Variants in TLN2 observed in about 807,000 individuals in gnomAD.
TLN2 encodes talin 2, also known as talin-2.
Under a neutral mutation model 294.7 loss-of-function variants are expected in TLN2, and 118 were observed. The ratio of observed to expected loss-of-function variants is 0.40; its 90% CI spans 0.34 to 0.47. The LOEUF is 0.47. Among genes scored for constraint, TLN2 ranks in the 20% least tolerant of loss-of-function variants. The pLI, the probability that TLN2 is intolerant of heterozygous loss-of-function variation, is 0.84. For synonymous variants in TLN2, 1,431 were observed against 1,304.5 expected, an observed-to-expected ratio of 1.10 and a Z score of -2.09; for missense variants, 3,083 against 3,282.2, an observed-to-expected ratio of 0.94 and a Z score of 1.48.
intron 1 of TLN2, among the ~76,000 whole-genome samples, chr15:62,476,958 G>T (rs1282723794): frequency 1.3e-5 from 2 of 152,144 alleles, no homozygotes; most frequent in African/African-American, 4.8e-5. Context: ...CCTTCCGTGT[G>T]TCTGTCTTTG....
chr15:62,396,891 G>C (rs1398219058), intron 1 of TLN2, among the ~76,000 whole-genome samples: 17 of 152,160 alleles, frequency 1.1e-4, no homozygotes, highest in Admixed American at 1.1e-3. Flanking sequence ...TTTTAGTAGA[G>C]ATGGGGTTTC....
intron 9 of TLN2, among the ~76,000 whole-genome samples, chr15:62,667,110 C>G (rs201488980): frequency 6.6e-6 from 1 of 152,132 alleles, no homozygotes; most frequent in Non-Finnish European, 1.5e-5. Flanking sequence ...GGACTACAGG[C>G]GCCCACCACC....
intron 1 of TLN2, among the ~76,000 whole-genome samples, chr15:62,468,618 G>T (rs1368510383): frequency 6.6e-6 from 1 of 151,952 alleles, no homozygotes; most frequent in Admixed American, 6.6e-5. Context: ...GGTGGCGGGC[G>T]CCTGTAGTCC....
At chr15:62,815,644 C>T (rs59244949) in intron 52 of TLN2, among the ~76,000 whole-genome samples, 16,745 of 152,088 alleles carry the variant, frequency 0.11, 1,080 homozygotes, top group South Asian at 0.17. Flanking sequence ...GGTGTCTTAG[C>T]CTTGTTCTGT....
At chr15:62,654,572 G>A (rs1003703288) in intron 7 of TLN2, among the ~76,000 whole-genome samples, 18 of 151,612 alleles carry the variant, frequency 1.2e-4, no homozygotes, top group Non-Finnish European at 1.2e-4. Flanking sequence ...TGACCAACAC[G>A]GTGAAACCCT....
At chr15:62,553,071 A>G (rs989322393) in intron 1 of TLN2, among the ~76,000 whole-genome samples, 1 of 152,242 alleles carries the variant, frequency 6.6e-6, no homozygotes, top group Non-Finnish European at 1.5e-5. Flanking sequence ...AAAATAAATA[A>G]TTGCTGAGTC....
At chr15:62,532,286 A>G (rs1202183970) in intron 1 of TLN2, among the ~76,000 whole-genome samples, 1 of 151,866 alleles carries the variant, frequency 6.6e-6, no homozygotes, top group Non-Finnish European at 1.5e-5. Flanking sequence ...TAGTAGAGAC[A>G]ATGTCTTGCT....
At chr15:62,488,644 C>T (rs1156383601) in intron 1 of TLN2, among the ~76,000 whole-genome samples, 1 of 152,142 alleles carries the variant, frequency 6.6e-6, no homozygotes, top group African/African-American at 2.4e-5. Flanking sequence ...CCAATTCTGT[C>T]TGATGAAACA....
At chr15:62,609,143 T>C (rs913656836) in intron 2 of TLN2, among the ~76,000 whole-genome samples, 2 of 152,076 alleles carry the variant, frequency 1.3e-5, no homozygotes, top group Non-Finnish European at 2.9e-5. Flanking sequence ...TGTTCTATGT[T>C]ACACAGCCTT....
At chr15:62,418,488 A>C (rs1330659711) in intron 1 of TLN2, among the ~76,000 whole-genome samples, 1 of 152,168 alleles carries the variant, frequency 6.6e-6, no homozygotes, top group Non-Finnish European at 1.5e-5. Context: ...GGCTGGTGGG[A>C]CTGGGGAGCT....
At chr15:62,677,010 C>G (rs919658458) in intron 11 of TLN2, among the ~76,000 whole-genome samples, 4 of 152,202 alleles carry the variant, frequency 2.6e-5, no homozygotes, top group African/African-American at 9.7e-5. Flanking sequence ...CTTGAATTCA[C>G]GTTTCCCTGA....
intron 46 of TLN2, among the ~76,000 whole-genome samples, chr15:62,794,077 C>T (rs1314808081): frequency 6.6e-6 from 1 of 152,110 alleles, no homozygotes; most frequent in African/African-American, 2.4e-5. Flanking sequence ...CAAGTTCCCC[C>T]ATAAAAGGCC....
intron 1 of TLN2, among the ~76,000 whole-genome samples, chr15:62,391,741 G>C (rs1410836429): frequency 1.3e-5 from 2 of 152,242 alleles, no homozygotes; most frequent in Non-Finnish European, 2.9e-5. Context: ...CAGCCGGCGG[G>C]GCTTGGGAAC....
chr15:62,448,755 C>T (rs2035953252), intron 1 of TLN2, among the ~76,000 whole-genome samples: 1 of 152,170 alleles, frequency 6.6e-6, no homozygotes, highest in Admixed American at 6.5e-5. Context: ...ACTATGTTAG[C>T]CCAAATCTGA....
rs372884109 is a variant in TLN2 at position 62,702,159 on chromosome 15, G to A, written c.1864G>A (p.Val622Met). The change falls in exon 18 of 59, where the codon GTG becomes ATG. Residue 622 changes from valine to methionine, a missense_variant. Transcript: ENST00000636159. ...AGCTGCCAGGACCCTCGCTGGGGCG[G>A]TGTCAGACTTGCTGAAAGCTGTGCA... ...LRAARTLAGA[V>M]SDLLKAVQPT... 10 of 1,611,422 alleles carry A rather than the reference G, an allele frequency of 6.2e-6. No individual in the cohort carries two copies. The highest frequency in any genetic ancestry group is 1.7e-5 in the Admixed American group (1 of 59,754).
At chr15:62,567,572 C>A (rs557338346) in intron 1 of TLN2, among the ~76,000 whole-genome samples, 1 of 152,146 alleles carries the variant, frequency 6.6e-6, no homozygotes, top group African/African-American at 2.4e-5. Context: ...CTGTGGCTCA[C>A]GCTTGTAATC....
intron 1 of TLN2, among the ~76,000 whole-genome samples, chr15:62,481,801 T>C (rs956464769): frequency 1.6e-5 from 2 of 128,246 alleles, no homozygotes; most frequent in African/African-American, 5.2e-5. Context: ...TTTCTTTCTT[T>C]TTTTTTTTTT....
At chr15:62,657,631 T>A in intron 8 of TLN2, 140 bp from the exon 9 acceptor site, 1 of 1,296,552 alleles carries the variant, frequency 7.7e-7, no homozygotes, top group Non-Finnish European at 1.0e-6. Flanking sequence ...TCATCCACTG[T>A]GTCCTGCACA....
At chr15:62,456,408 G>A (rs1433589517) in intron 1 of TLN2, among the ~76,000 whole-genome samples, 1 of 152,186 alleles carries the variant, frequency 6.6e-6, no homozygotes, top group South Asian at 2.1e-4. Flanking sequence ...CCTCCCCACC[G>A]TTTAAAATGC....
Sources: allele counts gnomAD v4.1 joint callset (sites outside exome capture counted in the v4.1 genomes callset), GRCh38; gene constraint gnomAD v4.1.1; transcripts MANE v1.5; gene names NCBI Gene and HGNC (gene_info 2026-07-23, HGNC 2026-07-21).